The following AGAP1 variants were observed in gnomAD, a reference collection of about 807,000 sequenced individuals.
The protein encoded by AGAP1 is arf-GAP with GTPase, ANK repeat and PH domain-containing protein 1.
AGAP1 carries 29 observed loss-of-function variants against 105.3 expected under a neutral mutation model. That is an observed-to-expected ratio of 0.28 (90% CI 0.21 to 0.38). The LOEUF (loss-of-function observed/expected upper bound fraction) is 0.38, where lower values mean the gene tolerates loss of function less well. Ranked by LOEUF, AGAP1 falls within the 10% of genes least tolerant of loss-of-function variation. The pLI, the probability that AGAP1 is intolerant of heterozygous loss-of-function variation, is 1.00. For synonymous variants in AGAP1, 509 were observed against 485.9 expected (o/e 1.05, Z -0.63); for missense variants, 998 against 1,165.1 (o/e 0.86, Z 2.09).
intron 11 of AGAP1, among the ~76,000 whole-genome samples, chr2:235,909,631 G>T (rs535362994): frequency 2.6e-5 from 4 of 152,230 alleles, no homozygotes; most frequent in African/African-American, 9.6e-5. Flanking sequence ...ACAGAGTCAG[G>T]CTCCTTCAAC....
chr2:235,899,306 C>T (rs371897056), intron 10 of AGAP1, among the ~76,000 whole-genome samples: 3 of 152,042 alleles, frequency 2.0e-5, no homozygotes, highest in Non-Finnish European at 2.9e-5. Flanking sequence ...TGAGATCAGG[C>T]GTTCAAGGCC....
chr2:236,039,358 C>A (rs1473261193), intron 14 of AGAP1, among the ~76,000 whole-genome samples: 4 of 152,072 alleles, frequency 2.6e-5, no homozygotes, highest in Admixed American at 2.0e-4. Context: ...GGTGGGAGGA[C>A]CACTTGAGCC....
rs2049154395 is a variant in AGAP1, at chr2:235,866,045, C to T, written c.1051-17300C>T. Among the ~76,000 whole-genome samples the T allele has an allele frequency of 6.6e-6, 1 of 152,204 alleles. No homozygotes were observed. The highest frequency in any genetic ancestry group is 1.5e-5 in the Non-Finnish European group (1 of 68,038). ...ATCTGCGGTCTGGTCATTTTTGCCA[C>T]ACTTGATTTTTTTCTGCTAAACCCT... is the stretch of plus-strand genomic sequence containing the variant. On this transcript the variant is annotated intron_variant, in intron 9 of 17. Transcript: ENST00000304032. This position sits in a 1 kb window ranked among gnomAD's most constrained non-coding sequence, Gnocchi z 6.1.
intron 1 of AGAP1, among the ~76,000 whole-genome samples, chr2:235,506,209 G>A (rs1941801670): frequency 6.6e-6 from 1 of 152,124 alleles, no homozygotes; most frequent in African/African-American, 2.4e-5. Context: ...GGGATTACAG[G>A]CATGAGCCAC....
At chr2:235,670,198 G>A in intron 1 of AGAP1, 1 of 582,630 alleles carries the variant, frequency 1.7e-6, no homozygotes, top group South Asian at 1.8e-5. Context: ...GCATCTCCGT[G>A]ACCATGGTCA....
At position 235,665,818 on chromosome 2, in the gene AGAP1, A is replaced by AT. The variant is rs1298904671; in HGVS notation, c.164-43359dup. ...GTTCTGCTAAGATACTGCAAACGTG[A>AT]TTACTGGCTGTCAGGTTCTGTTATT... On this transcript the variant is annotated intron_variant, in intron 1 of 17. Coordinates refer to ENST00000304032, the MANE Select transcript of AGAP1 (RefSeq NM_001037131.3). This position sits in a 1 kb window ranked among gnomAD's most constrained non-coding sequence, Gnocchi z 5.3. Among the ~76,000 whole-genome samples the AT allele has an allele frequency of 6.6e-6, 1 of 152,142 alleles. No individual in the cohort carries two copies. Among genetic ancestry groups the AT allele is most frequent in the Non-Finnish European group, 1.5e-5 (1 of 68,034 alleles).
Position 235,943,362 on chromosome 2 carries a change from A to ATTTTTTTTT in AGAP1, c.1483+12450_1483+12458dup, listed in dbSNP as rs562379887. Among the ~76,000 whole-genome samples, 333 of 127,058 alleles carry ATTTTTTTTT rather than the reference A, an allele frequency of 2.6e-3. 16 individuals carry two copies. Among genetic ancestry groups the ATTTTTTTTT allele is most frequent in the African/African-American group, 9.3e-3 (288 of 30,808 alleles). 83.4% of individuals were successfully genotyped at this position (127,058 alleles called of 152,430 possible). On this transcript the variant is annotated intron_variant, in intron 12 of 17. Coordinates refer to ENST00000304032, the MANE Select transcript of AGAP1 (RefSeq NM_001037131.3). ...AAAAGGCAAAGACCTAAAGGACTTA[A>ATTTTTTTTT]TTTTTTTTTTTTTTTTTTTGACACA...
At chr2:235,697,014 T>C (rs1950031119) in intron 1 of AGAP1, among the ~76,000 whole-genome samples, 1 of 152,104 alleles carries the variant, frequency 6.6e-6, no homozygotes, top group Non-Finnish European at 1.5e-5. Context: ...ATCCTAACTT[T>C]TGTTTCATTC....
intron 1 of AGAP1, among the ~76,000 whole-genome samples, chr2:235,580,429 C>G (rs1038488873): frequency 2.2e-5 from 3 of 137,596 alleles, no homozygotes; most frequent in Non-Finnish European, 4.7e-5. Context: ...GCAGTGCTGG[C>G]TTTTCCCTCG....
At chr2:235,827,667 G>A (rs939923391) in intron 9 of AGAP1, among the ~76,000 whole-genome samples, 1 of 152,162 alleles carries the variant, frequency 6.6e-6, no homozygotes, top group African/African-American at 2.4e-5. Flanking sequence ...CAGGTGGCAC[G>A]CCTAAGAGTA....
At chr2:235,717,527 A>G (rs149691203) in intron 2 of AGAP1, 30 bp from the exon 3 acceptor site, 3 of 1,558,374 alleles carry the variant, frequency 1.9e-6, no homozygotes, top group Middle Eastern at 1.7e-4. Context: ...TGATTTGATG[A>G]TGCTTAACGG....
In AGAP1 at chr2:235,601,832, G is replaced by T. The variant is rs569358866; in HGVS notation, c.163+106983G>T. On this transcript the variant is annotated intron_variant, in intron 1 of 17. Coordinates refer to ENST00000304032, the MANE Select transcript of AGAP1 (RefSeq NM_001037131.3). The surrounding 1 kb of genome is among the most constrained non-coding windows in gnomAD (Gnocchi z 4.4). ...AGTTAATTACTTCCCAGCAGGCCCT[G>T]TTTTTCTGGTACAGTCACACTGGAG... is the stretch of plus-strand genomic sequence containing the variant. Among the ~76,000 whole-genome samples, 1 of 152,280 alleles carries T rather than the reference G, an allele frequency of 6.6e-6. No individual in the cohort carries two copies. Among genetic ancestry groups the T allele is most frequent in the African/African-American group, 2.4e-5 (1 of 41,562 alleles).
Position 236,035,215 on chromosome 2 carries a change from C to T in AGAP1, c.1646-1346C>T, listed in dbSNP as rs892430854. Among the ~76,000 whole-genome samples the T allele has an allele frequency of 7.9e-5, 12 of 152,220 alleles. No homozygotes were observed. The highest frequency in any genetic ancestry group is 2.1e-4 in the South Asian group (1 of 4,820). Reference sequence around the variant, plus strand: ...AGAGATAAGTAAAGTGGTTGGCAGGCAGGTAGGTGAAAGTCAGTACTAATA... The same window carrying T: ...AGAGATAAGTAAAGTGGTTGGCAGGTAGGTAGGTGAAAGTCAGTACTAATA... On this transcript the variant is annotated intron_variant, in intron 13 of 17. Transcript: ENST00000304032. The surrounding 1 kb of genome is among the most constrained non-coding windows in gnomAD (Gnocchi z 4.2).
Position 236,131,046 on chromosome 2 carries a change from G to C in AGAP1, c.*6924G>C, listed in dbSNP as rs948562968. On this transcript the variant is annotated 3_prime_UTR_variant, in exon 18 of 18. Transcript: ENST00000304032. The surrounding 1 kb of genome is among the most constrained non-coding windows in gnomAD (Gnocchi z 5.9). ...AAGCTGCTTCGTGGCGTTAAGAACG[G>C]GGGGAGAGGGACCAGCACTGTAACG... The C allele has an allele frequency of 6.6e-6, 1 of 152,262 alleles. No individual in the cohort carries two copies. The highest frequency in any genetic ancestry group is 1.5e-5 in the Non-Finnish European group (1 of 68,080). The allele number at this position is 152,262 out of a possible 1,614,324, so 9.4% of individuals were successfully genotyped here.
intron 1 of AGAP1, among the ~76,000 whole-genome samples, chr2:235,503,822 C>T (rs1315972777): frequency 6.6e-6 from 1 of 152,168 alleles, no homozygotes; most frequent in Non-Finnish European, 1.5e-5. Flanking sequence ...TCTTGACATT[C>T]TGGACTCAAG....
chr2:235,673,334 T>G (rs570271205), intron 1 of AGAP1, among the ~76,000 whole-genome samples: 8 of 152,314 alleles, frequency 5.3e-5, no homozygotes, highest in African/African-American at 1.7e-4. Flanking sequence ...AAGGTAACAG[T>G]CAGATACAGT....
At position 236,000,068 on chromosome 2, in the gene AGAP1, G is replaced by A. The variant is rs114045461; in HGVS notation, c.1645+31445G>A. 0.038 allele frequency among the ~76,000 whole-genome samples: 5,720 copies of A among 152,204 alleles called. 149 individuals are homozygous for A. Among genetic ancestry groups the A allele is most frequent in the Middle Eastern group, 0.088 (26 of 294 alleles). On this transcript the variant is annotated intron_variant, in intron 13 of 17. Transcript: ENST00000304032. This position sits in a 1 kb window ranked among gnomAD's most constrained non-coding sequence, Gnocchi z 4.3. ...GTCCTCACGTGCAGGCGTCCTCGAA[G>A]GTTTGTTTGTTAGTAGCCATAACCG...
rs150231648 is a variant in AGAP1, at chr2:235,562,243, C to T, written c.163+67394C>T. ...CTTTATTTTCTCATGCCTTGATAAG[C>T]AGTGTAGTCAAATCATAACATATTA... On this transcript the variant is annotated intron_variant, in intron 1 of 17. Transcript: ENST00000304032. Among the ~76,000 whole-genome samples, 412 of 152,152 alleles carry T rather than the reference C, an allele frequency of 2.7e-3. 3 individuals carry two copies. Among genetic ancestry groups the T allele is most frequent in the Admixed American group, 2.7e-3 (41 of 15,292 alleles).
intron 9 of AGAP1, among the ~76,000 whole-genome samples, chr2:235,836,518 C>T (rs1960181165): frequency 6.6e-6 from 1 of 152,198 alleles, no homozygotes; most frequent in African/African-American, 2.4e-5. Context: ...CAGGTTCACA[C>T]TGTGATATCG....
Sources: allele counts gnomAD v4.1 joint callset (sites outside exome capture counted in the v4.1 genomes callset), GRCh38; gene constraint gnomAD v4.1.1; non-coding constraint Gnocchi (gnomAD v3.1); transcripts MANE v1.5; gene names NCBI Gene and HGNC (gene_info 2026-07-23, HGNC 2026-07-21).